The following BPIFB3 variants were observed in gnomAD, a reference collection of about 807,000 sequenced individuals.
The protein encoded by BPIFB3 is BPI fold-containing family B member 3.
A neutral mutation model predicts 53.1 loss-of-function variants in BPIFB3; 49 were observed. That is an observed-to-expected ratio of 0.92 (90% confidence interval 0.73 to 1.17). BPIFB3 has a LOEUF of 1.17. BPIFB3 is among the 50% of genes most tolerant of loss of function. The pLI, the probability that BPIFB3 is intolerant of heterozygous loss-of-function variation, is 0.00. For missense variants in BPIFB3, 628 were observed against 592.5 expected (o/e 1.06, Z -0.62); for synonymous variants, 271 against 269.6 (o/e 1.01, Z -0.05).
chr20:33,054,975 A>C (rs1316398910), upstream of BPIFB3, among the ~76,000 whole-genome samples: 1 of 152,226 alleles, frequency 6.6e-6, no homozygotes, highest in Non-Finnish European at 1.5e-5. Flanking sequence ...TGCTGGAAAC[A>C]AAGCTCTCAT....
intron 3 of BPIFB3, 131 bp downstream of exon 4, chr20:33,059,613 C>A: frequency 1.3e-6 from 1 of 752,348 alleles, no homozygotes; most frequent in Non-Finnish European, 2.2e-6. Context: ...CTATTTCCTC[C>A]CCAAGGGACT....
intron 5 of BPIFB3, 78 bp from the exon 7 acceptor site, chr20:33,063,537 G>A: frequency 6.6e-7 from 1 of 1,513,030 alleles, no homozygotes; most frequent in Non-Finnish European, 9.2e-7. Flanking sequence ...GCAGCAGATA[G>A]CAAAGCATTT....
In BPIFB3 at chr20:33,059,876, T is replaced by C. The variant is rs1315447961; in HGVS notation, c.387-15T>C. On this transcript the variant is annotated splice_polypyrimidine_tract_variant and intron_variant, in intron 3 of 14. Coordinates refer to ENST00000375494, the Ensembl canonical transcript of BPIFB3. The stretch of plus-strand genomic sequence containing the variant: ...GCTGGCTGCCTGGCCACACCCCCAG[T>C]GTCCTTTCTTGCAGCCCCCTTGGTG... 5 of 1,612,776 alleles carry C rather than the reference T, an allele frequency of 3.1e-6. No individual in the cohort carries two copies. Among genetic ancestry groups the C allele is most frequent in the Non-Finnish European group, 4.2e-6 (5 of 1,179,448 alleles).
chr20:33,069,059 CCT>C, intron 10 of BPIFB3, 86 bp downstream of exon 11: 1 of 1,451,552 alleles, frequency 6.9e-7, no homozygotes, highest in Non-Finnish European at 9.3e-7. Context: ...GTACCGTCCC[CCT>C]GATTTCAGGG....
chr20:33,055,334 G>A, upstream of BPIFB3: 1 of 1,563,948 alleles, frequency 6.4e-7, no homozygotes, highest in Admixed American at 1.7e-5. Context: ...CAGGTGGGCA[G>A]GAAGGGGGAA....
rs765186389 is a variant in BPIFB3, at chr20:33,060,066, C to T, written c.527+35C>T. ...CAGGTTCCAGCCTGCAACCCTGACC[C>T]GCTCAGGATCATCTCGCACCCATCT... On this transcript the variant is annotated intron_variant, in intron 4 of 14. Transcript: ENST00000375494. 1.4e-5 allele frequency: 23 copies of T among 1,605,520 alleles called. No individual in the cohort carries two copies. In the Admixed American group the frequency reaches 1.7e-4, roughly 12 times the overall value.
Position 33,061,888 on chromosome 20 carries a change from C to A in BPIFB3, c.591+57C>A. ...TCTCCCAGGACTGGGCCTCTTTCCC[C>A]CTCTGGTTTTGGGTGAAGTTTGGCG... On this transcript the variant is annotated intron_variant, in intron 5 of 14. Coordinates refer to ENST00000375494, the Ensembl canonical transcript of BPIFB3. 3 of 1,595,756 alleles carry A rather than the reference C, an allele frequency of 1.9e-6. No individual in the cohort carries two copies. In the South Asian group the frequency reaches 3.3e-5, roughly 18 times the overall value.
intron 10 of BPIFB3, among the ~76,000 whole-genome samples, chr20:33,069,528 T>C (rs540510802): frequency 6.6e-6 from 1 of 152,292 alleles, no homozygotes; most frequent in Non-Finnish European, 1.5e-5. Flanking sequence ...GTCCACCACC[T>C]GGAGTACCAT....
exon 10 of BPIFB3, chr20:33,068,815 C>T (rs1471634144): frequency 5.0e-6 from 8 of 1,613,596 alleles, no homozygotes; most frequent in Non-Finnish European, 5.9e-6. Flanking sequence ...CCTGGGGAAG[C>T]TGCCCCTGCA....
chr20:33,063,731 C>A (rs1471845475), intron 6 of BPIFB3, 56 bp downstream of exon 7: 3 of 1,568,366 alleles, frequency 1.9e-6, no homozygotes, highest in Non-Finnish European at 2.6e-6. Context: ...TCTGTATGAC[C>A]CCAATGGGGT....
chr20:33,072,291 GC>G lies in BPIFB3; in HGVS notation c.1324+125del, dbSNP rs1479972707. On this transcript the variant is annotated intron_variant, in intron 13 of 14. Transcript: ENST00000375494. ...CAGAGAGAGAGGTCGATCCTCATTT[GC>G]AAGATGCAGAAACTGAGGCACCAAT... 4 of 1,062,242 alleles carry G rather than the reference GC, an allele frequency of 3.8e-6. No individual in the cohort carries two copies. In the East Asian group the frequency reaches 9.9e-5, roughly 26 times the overall value. The allele number at this position is 1,062,242 out of a possible 1,614,324, so 65.8% of individuals were successfully genotyped here.
exon 7 of BPIFB3, chr20:33,064,512 T>C: frequency 6.2e-7 from 1 of 1,614,102 alleles, no homozygotes; most frequent in Non-Finnish European, 8.5e-7. Flanking sequence ...CCACATTGCC[T>C]CTCATCTCCA....
At chr20:33,057,523 G>A (rs1426719138) in intron 2 of BPIFB3, among the ~76,000 whole-genome samples, 4 of 152,072 alleles carry the variant, frequency 2.6e-5, no homozygotes, top group Non-Finnish European at 5.9e-5. Flanking sequence ...AGACTGCTAC[G>A]ATTGTCTGAA....
chr20:33,063,998 G>A (rs1347438724), intron 6 of BPIFB3, among the ~76,000 whole-genome samples: 3 of 152,198 alleles, frequency 2.0e-5, no homozygotes, highest in South Asian at 4.2e-4. Context: ...CTAGATGACC[G>A]AGGCCCAGAG....
At chr20:33,062,960 G>T (rs1394593506) in intron 5 of BPIFB3, among the ~76,000 whole-genome samples, 1 of 152,214 alleles carries the variant, frequency 6.6e-6, no homozygotes, top group African/African-American at 2.4e-5. Context: ...CCTTGGACAG[G>T]CCACCTTCTT....
exon 8 of BPIFB3, chr20:33,064,688 G>T: frequency 6.2e-7 from 1 of 1,613,998 alleles, no homozygotes; most frequent in Non-Finnish European, 8.5e-7. Flanking sequence ...AGTGTAGCTG[G>T]TGATATCATT....
At chr20:33,066,964 T>G in intron 9 of BPIFB3, 87 bp downstream of exon 10, 28 of 1,350,632 alleles carry the variant, frequency 2.1e-5, no homozygotes, top group Non-Finnish European at 2.3e-5. Context: ...AATACAGCTC[T>G]CCAGGCAACT....
At chr20:33,069,352 C>T (rs1435992786) in intron 10 of BPIFB3, among the ~76,000 whole-genome samples, 5 of 152,244 alleles carry the variant, frequency 3.3e-5, no homozygotes, top group African/African-American at 7.2e-5. Context: ...ACATCTGGAC[C>T]GAGGCAGGCC....
upstream of BPIFB3, among the ~76,000 whole-genome samples, chr20:33,054,891 G>A (rs1980127402): frequency 6.6e-6 from 1 of 152,220 alleles, no homozygotes; most frequent in Non-Finnish European, 1.5e-5. Context: ...GATAAGACAT[G>A]TTAAGTCTAA....
Sources: allele counts gnomAD v4.1 joint callset (sites outside exome capture counted in the v4.1 genomes callset), GRCh38; gene constraint gnomAD v4.1.1; transcripts MANE v1.5; gene names NCBI Gene and HGNC (gene_info 2026-07-23, HGNC 2026-07-21).